The following PLCH1 variants were observed in gnomAD, a reference collection of about 807,000 sequenced individuals.
PLCH1 encodes the protein phospholipase C eta 1, also known as 1-phosphatidylinositol 4,5-bisphosphate phosphodiesterase eta-1.
PLCH1 carries 60 observed loss-of-function variants against 126.7 expected under a neutral mutation model. That is an observed-to-expected ratio of 0.47 (90% CI 0.38 to 0.59). The LOEUF is 0.59. PLCH1 is among the 20% of genes least tolerant of loss of function. PLCH1 has a pLI of 0.00. For synonymous variants in PLCH1, 719 were observed against 734.9 expected (o/e 0.98, Z 0.35); for missense variants, 1,723 against 2,040.0 (o/e 0.84, Z 2.99).
At chr3:155,733,884 C>T (rs1748949561) in intron 1 of PLCH1, among the ~76,000 whole-genome samples, 1 of 137,650 alleles carries the variant, frequency 7.3e-6, no homozygotes, top group African/African-American at 2.7e-5. Context: ...AGGCAAAGGA[C>T]CTAGATAGAT....
At chr3:155,717,571 G>A (rs1747621713) in intron 1 of PLCH1, among the ~76,000 whole-genome samples, 1 of 152,228 alleles carries the variant, frequency 6.6e-6, no homozygotes, top group Non-Finnish European at 1.5e-5. Flanking sequence ...CAAAGCTTAT[G>A]GCTTGAAATC....
At chr3:155,725,637 A>G (rs1206526649) in intron 1 of PLCH1, among the ~76,000 whole-genome samples, 1 of 151,952 alleles carries the variant, frequency 6.6e-6, no homozygotes, top group Non-Finnish European at 1.5e-5. Flanking sequence ...ACGGGGTTTC[A>G]CCACGTTGGC....
intron 2 of PLCH1, among the ~76,000 whole-genome samples, chr3:155,627,919 C>G (rs1737538079): frequency 6.6e-6 from 1 of 151,822 alleles, no homozygotes; most frequent in South Asian, 2.1e-4. Context: ...AGGCACCCAC[C>G]ACCACGCCTG....
intron 2 of PLCH1, among the ~76,000 whole-genome samples, chr3:155,651,404 T>C (rs1740694822): frequency 6.6e-6 from 1 of 151,968 alleles, no homozygotes; most frequent in Non-Finnish European, 1.5e-5. Flanking sequence ...AGGAAAGAAA[T>C]ACACCAAACT....
At chr3:155,548,202 C>T (rs749509235) in intron 10 of PLCH1, among the ~76,000 whole-genome samples, 9 of 152,146 alleles carry the variant, frequency 5.9e-5, no homozygotes, top group Non-Finnish European at 1.3e-4. Context: ...TAGTCATAGA[C>T]ATCCTGCCTT....
intron 21 of PLCH1, among the ~76,000 whole-genome samples, chr3:155,452,058 C>T (rs540400964): frequency 7.2e-5 from 11 of 152,182 alleles, no homozygotes; most frequent in African/African-American, 2.4e-4. Context: ...TCCTACTGGC[C>T]CTATGTATTA....
intron 2 of PLCH1, among the ~76,000 whole-genome samples, chr3:155,630,427 A>T (rs6441002): frequency 1.3e-5 from 2 of 152,000 alleles, no homozygotes; most frequent in African/African-American, 4.8e-5. Flanking sequence ...ATCAATCAGA[A>T]TATAGTGGAG....
At chr3:155,505,611 G>A (rs1218762418) in intron 12 of PLCH1, among the ~76,000 whole-genome samples, 1 of 152,172 alleles carries the variant, frequency 6.6e-6, no homozygotes, top group Non-Finnish European at 1.5e-5. Flanking sequence ...GAGATTGGGT[G>A]GAGTCCAAGA....
intron 21 of PLCH1, among the ~76,000 whole-genome samples, chr3:155,486,730 T>A (rs1261293237): frequency 6.6e-6 from 1 of 151,662 alleles, no homozygotes; most frequent in Non-Finnish European, 1.5e-5. Flanking sequence ...TTCACCTTGT[T>A]AGCCAGGATG....
At chr3:155,464,054 G>C (rs748358892) in intron 21 of PLCH1, among the ~76,000 whole-genome samples, 9 of 152,216 alleles carry the variant, frequency 5.9e-5, no homozygotes, top group Non-Finnish European at 1.2e-4. Context: ...GACATGTGAA[G>C]AGATCCCTAC....
In PLCH1 at chr3:155,471,670, C is replaced by G. The variant is rs1408770066; in HGVS notation, c.2938+13686G>C. Among the ~76,000 whole-genome samples, 95 of 146,970 alleles carry G rather than the reference C, an allele frequency of 6.5e-4. 1 individual carries two copies. The highest frequency in any genetic ancestry group is 3.5e-3 in the Middle Eastern group (1 of 288). On this transcript the variant is annotated intron_variant, in intron 21 of 21. Coordinates refer to the PLCH1 transcript ENST00000494598. ...CACCTATTCCAAAATTGACCACATACTTGGAAGTAAAGCTCTCCTCAGCAA... is the reference window on the plus strand; with the variant it reads ...CACCTATTCCAAAATTGACCACATAGTTGGAAGTAAAGCTCTCCTCAGCAA...
intron 11 of PLCH1, among the ~76,000 whole-genome samples, chr3:155,519,343 C>T (rs940322291): frequency 6.6e-6 from 1 of 152,108 alleles, no homozygotes; most frequent in African/African-American, 2.4e-5. Context: ...TAGTTTCCAC[C>T]AGAGAAGTAA....
chr3:155,730,094 C>A (rs1748650766), intron 1 of PLCH1, among the ~76,000 whole-genome samples: 1 of 151,940 alleles, frequency 6.6e-6, no homozygotes, highest in Admixed American at 6.6e-5. Flanking sequence ...TCTCTAAAGG[C>A]AGCAGAGATG....
chr3:155,518,963 C>A (rs1576890017), intron 11 of PLCH1, among the ~76,000 whole-genome samples: 1 of 152,226 alleles, frequency 6.6e-6, no homozygotes, highest in African/African-American at 2.4e-5. Context: ...GAATGCTTAA[C>A]ACAAAAGCTA....
chr3:155,538,806 G>T (rs9826383), intron 10 of PLCH1, among the ~76,000 whole-genome samples: 2,853 of 151,884 alleles, frequency 0.019, 95 homozygotes, highest in African/African-American at 0.065. Flanking sequence ...ATGGATTCAC[G>T]GCTTAATTCT....
At chr3:155,588,909 G>A (rs762280727) in intron 4 of PLCH1, among the ~76,000 whole-genome samples, 98 of 152,124 alleles carry the variant, frequency 6.4e-4, no homozygotes, top group Admixed American at 1.6e-3. Context: ...TTCCATAAAT[G>A]AAAAAACCAT....
At chr3:155,686,447 A>T (rs1015744634) in intron 2 of PLCH1, among the ~76,000 whole-genome samples, 1 of 152,242 alleles carries the variant, frequency 6.6e-6, no homozygotes, top group African/African-American at 2.4e-5. Context: ...TTGTTATGGC[A>T]GTGCTTGGGA....
chr3:155,695,792 C>A (rs1330826313), intron 2 of PLCH1, among the ~76,000 whole-genome samples: 1 of 152,212 alleles, frequency 6.6e-6, no homozygotes, highest in East Asian at 1.9e-4. Flanking sequence ...AAGGCTTCTC[C>A]TTTGAGAGGA....
chr3:155,513,363 AG>A (rs1174770224), intron 12 of PLCH1, among the ~76,000 whole-genome samples: 1 of 152,246 alleles, frequency 6.6e-6, no homozygotes, highest in Non-Finnish European at 1.5e-5. Context: ...AATTGTCATT[AG>A]GATCTCTTCA....
Sources: gnomAD v4.1 joint callset for allele counts (sites outside exome capture counted in the v4.1 genomes callset) on GRCh38, gnomAD v4.1.1 for gene constraint, MANE v1.5 for transcripts, NCBI Gene and HGNC (gene_info 2026-07-23, HGNC 2026-07-21) for gene names.